Variants in RBFOX3 observed in about 807,000 individuals in gnomAD.
The protein encoded by RBFOX3 is RNA binding protein fox-1 homolog 3.
A neutral mutation model predicts 48.7 loss-of-function variants in RBFOX3; 17 were observed. The observed-to-expected ratio is 0.35, with a 90% CI of 0.24 to 0.52. The LOEUF (loss-of-function observed/expected upper bound fraction) is 0.52, where lower values mean the gene tolerates loss of function less well. Among genes scored for constraint, RBFOX3 ranks in the 20% least tolerant of loss-of-function variants. The probability of loss-of-function intolerance (pLI) is 0.94; values close to 1 mark genes in which losing one functional copy is unlikely to be tolerated. For synonymous variants in RBFOX3, 212 were observed against 209.5 expected (o/e 1.01, Z -0.10); for missense variants, 382 against 497.5 (o/e 0.77, Z 2.21).
intron 4 of RBFOX3, among the ~76,000 whole-genome samples, chr17:79,148,227 C>T (rs2043475876): frequency 6.6e-6 from 1 of 152,252 alleles, no homozygotes; most frequent in Admixed American, 6.5e-5. Context: ...GGTTGGAGGA[C>T]TGGGGTCCCG....
intron 1 of RBFOX3, among the ~76,000 whole-genome samples, chr17:79,557,246 A>AGG (rs1279636692): frequency 3.8e-5 from 5 of 132,208 alleles, no homozygotes; most frequent in African/African-American, 1.3e-4. Flanking sequence ...AAAAAAAAAA[A>AGG]AAAGGAAAGG....
chr17:79,591,993 G>A (rs949981933), intron 1 of RBFOX3, among the ~76,000 whole-genome samples: 2 of 151,936 alleles, frequency 1.3e-5, no homozygotes, highest in Non-Finnish European at 2.9e-5. Flanking sequence ...TGTGCAGTGT[G>A]TGTGTGTGGA....
chr17:79,592,748 G>A (rs2093459268), intron 1 of RBFOX3, among the ~76,000 whole-genome samples: 1 of 152,212 alleles, frequency 6.6e-6, no homozygotes, highest in Admixed American at 6.5e-5. Context: ...AGCCAAGGCT[G>A]TCGTCTGTTT....
intron 2 of RBFOX3, among the ~76,000 whole-genome samples, chr17:79,422,294 A>G (rs568069699): frequency 6.6e-6 from 1 of 152,118 alleles, no homozygotes; most frequent in African/African-American, 2.4e-5. Flanking sequence ...AAATCATCCT[A>G]TGGCCTCGCT....
chr17:79,151,118 G>A (rs1249427413), intron 4 of RBFOX3, among the ~76,000 whole-genome samples: 1 of 152,122 alleles, frequency 6.6e-6, no homozygotes, highest in Non-Finnish European at 1.5e-5. Flanking sequence ...AGCTCTTGGC[G>A]CAGATTCTGG....
chr17:79,336,788 G>A (rs1435875095), intron 2 of RBFOX3, among the ~76,000 whole-genome samples: 1 of 152,208 alleles, frequency 6.6e-6, no homozygotes, highest in African/African-American at 2.4e-5. Flanking sequence ...TTTACTGGTG[G>A]CTGATGGCCT....
chr17:79,306,145 G>C (rs1414612389), intron 3 of RBFOX3, among the ~76,000 whole-genome samples: 2 of 152,242 alleles, frequency 1.3e-5, no homozygotes, highest in East Asian at 3.9e-4. Context: ...TGCAGGCGGC[G>C]GCTGCTGCAG....
At chr17:79,261,148 G>GC (rs1389747851) in intron 3 of RBFOX3, among the ~76,000 whole-genome samples, 2 of 152,002 alleles carry the variant, frequency 1.3e-5, no homozygotes, top group Non-Finnish European at 2.9e-5. Context: ...CGCTCCTCGA[G>GC]CCCCCTACAA....
intron 3 of RBFOX3, among the ~76,000 whole-genome samples, chr17:79,270,373 A>C (rs112299578): frequency 2.3e-4 from 35 of 152,234 alleles, no homozygotes; most frequent in African/African-American, 7.5e-4. Flanking sequence ...GGCTGATCTC[A>C]GTACCCTTCC....
chr17:79,332,701 G>GAAC (rs760018355), intron 2 of RBFOX3, among the ~76,000 whole-genome samples: 8 of 147,700 alleles, frequency 5.4e-5, no homozygotes, highest in African/African-American at 1.7e-4. Flanking sequence ...GAGACAGAGA[G>GAAC]AGAGAGACAG....
chr17:79,637,784 A>G, the RBFOX3 span, among the ~76,000 whole-genome samples: 1 of 48,244 alleles, frequency 2.1e-5, no homozygotes, highest in South Asian at 1.4e-3. Flanking sequence ...AGGGGAAGGG[A>G]GGGGAAGAGA....
chr17:79,141,810 C>T (rs1388193608), intron 4 of RBFOX3, among the ~76,000 whole-genome samples: 3 of 152,136 alleles, frequency 2.0e-5, no homozygotes, highest in Admixed American at 1.3e-4. Flanking sequence ...GCCCCCCGGT[C>T]GCAAGCAAAA....
At chr17:79,193,221 A>T (rs1236580247) in intron 4 of RBFOX3, among the ~76,000 whole-genome samples, 2 of 152,184 alleles carry the variant, frequency 1.3e-5, no homozygotes, top group Admixed American at 6.5e-5. Flanking sequence ...ACCGGGGAGC[A>T]GCACAATGTG....
At chr17:79,384,049 G>T (rs1430388937) in intron 2 of RBFOX3, among the ~76,000 whole-genome samples, 1 of 152,036 alleles carries the variant, frequency 6.6e-6, no homozygotes, top group African/African-American at 2.4e-5. Flanking sequence ...GAGGCAAAGC[G>T]GGACTCGTGT....
chr17:79,451,867 G>A (rs777046669), intron 2 of RBFOX3, among the ~76,000 whole-genome samples: 4 of 152,256 alleles, frequency 2.6e-5, no homozygotes, highest in South Asian at 2.1e-4. Context: ...GGGATCATAC[G>A]TGCTTCACGT....
At chr17:79,174,323 CACAG>C (rs1403169438) in intron 4 of RBFOX3, among the ~76,000 whole-genome samples, 39 of 147,580 alleles carry the variant, frequency 2.6e-4, no homozygotes, top group African/African-American at 5.1e-4. Context: ...CTCACATGCA[CACAG>C]ACACACGCAC....
intron 2 of RBFOX3, among the ~76,000 whole-genome samples, chr17:79,321,535 C>T (rs1362536869): frequency 2.6e-5 from 4 of 152,166 alleles, no homozygotes; most frequent in South Asian, 2.1e-4. Context: ...CTCATCCAAA[C>T]GGTGGTGATG....
chr17:79,239,470 T>G (rs1181733984), intron 3 of RBFOX3, among the ~76,000 whole-genome samples: 1 of 152,182 alleles, frequency 6.6e-6, no homozygotes, highest in African/African-American at 2.4e-5. Context: ...CAAGTGCACA[T>G]GCAGTCACAC....
At chr17:79,640,526 G>A in the RBFOX3 span, among the ~76,000 whole-genome samples, 26 of 151,620 alleles carry the variant, frequency 1.7e-4, no homozygotes, top group South Asian at 4.2e-4. Context: ...AGAACAAAGC[G>A]GGAGGCATTA....
Sources: gnomAD v4.1 joint callset for allele counts (sites outside exome capture counted in the v4.1 genomes callset) on GRCh38, gnomAD v4.1.1 for gene constraint, MANE v1.5 for transcripts, NCBI Gene and HGNC (gene_info 2026-07-23, HGNC 2026-07-21) for gene names.